Variants in POU6F2 observed in about 807,000 individuals in gnomAD.
POU6F2 encodes POU domain, class 6, transcription factor 2.
Under a neutral mutation model 71.3 loss-of-function variants are expected in POU6F2, and 31 were observed. That is an observed-to-expected ratio of 0.43 (90% CI 0.33 to 0.59). The LOEUF (loss-of-function observed/expected upper bound fraction) is 0.59, where lower values mean the gene tolerates loss of function less well. Ranked by LOEUF, POU6F2 falls within the 20% of genes least tolerant of loss-of-function variation. POU6F2 has a pLI of 0.04. For synonymous variants in POU6F2, 347 were observed against 355.7 expected (o/e 0.98, Z 0.27); for missense variants, 783 against 856.8 (o/e 0.91, Z 1.07).
At chr7:39,088,441 A>G (rs1791300406) in intron 2 of POU6F2, among the ~76,000 whole-genome samples, 3 of 152,290 alleles carry the variant, frequency 2.0e-5, no homozygotes, top group South Asian at 4.1e-4. Context: ...TTAAGGAACT[A>G]TGATTTTCTT....
At chr7:39,409,642 T>C (rs920914422) in intron 6 of POU6F2, among the ~76,000 whole-genome samples, 1 of 152,192 alleles carries the variant, frequency 6.6e-6, no homozygotes, top group Admixed American at 6.5e-5. Context: ...TGGTGCACTT[T>C]TGCAGGGCAA....
At chr7:39,188,988 T>C (rs1473018729) in intron 2 of POU6F2, among the ~76,000 whole-genome samples, 1 of 152,244 alleles carries the variant, frequency 6.6e-6, no homozygotes, top group African/African-American at 2.4e-5. Context: ...TAATTAGCAT[T>C]AGATAGCATT....
chr7:39,121,890 G>A (rs1278210015), intron 2 of POU6F2, among the ~76,000 whole-genome samples: 4 of 152,086 alleles, frequency 2.6e-5, no homozygotes. Flanking sequence ...GTAGAGATGG[G>A]GTTTCACCAT....
At chr7:39,007,754 C>T (rs1326391230) in intron 1 of POU6F2, among the ~76,000 whole-genome samples, 2 of 151,604 alleles carry the variant, frequency 1.3e-5, no homozygotes, top group Non-Finnish European at 2.9e-5. Context: ...TCAGTTCCCA[C>T]CTATGAGTGA....
intron 1 of POU6F2, among the ~76,000 whole-genome samples, chr7:39,022,296 A>C (rs539096463): frequency 6.6e-6 from 1 of 152,240 alleles, no homozygotes; most frequent in East Asian, 1.9e-4. Flanking sequence ...AATTCACTAA[A>C]ATGAAACATA....
intron 5 of POU6F2, among the ~76,000 whole-genome samples, chr7:39,375,480 C>T (rs955552400): frequency 6.6e-6 from 1 of 152,100 alleles, no homozygotes; most frequent in South Asian, 2.1e-4. Context: ...CCTCCCAGCC[C>T]CCCAACCTTC....
At chr7:39,425,843 T>A (rs914121793) in intron 6 of POU6F2, among the ~76,000 whole-genome samples, 8 of 152,204 alleles carry the variant, frequency 5.3e-5, no homozygotes, top group Non-Finnish European at 1.2e-4. Context: ...GCCTTAATAT[T>A]TGAGAGCAAG....
At chr7:39,202,587 T>C (rs1295498281) in intron 2 of POU6F2, among the ~76,000 whole-genome samples, 1 of 152,192 alleles carries the variant, frequency 6.6e-6, no homozygotes, top group Non-Finnish European at 1.5e-5. Context: ...TAGGGCAAAA[T>C]TGGACTTGGG....
intron 4 of POU6F2, among the ~76,000 whole-genome samples, chr7:39,260,787 TAAAC>T (rs1562767572): frequency 6.6e-6 from 1 of 150,930 alleles, no homozygotes. Flanking sequence ...ACACAACACT[TAAAC>T]ACACATATAT....
intron 4 of POU6F2, among the ~76,000 whole-genome samples, chr7:39,225,968 G>T (rs533311783): frequency 1.1e-4 from 16 of 147,460 alleles, no homozygotes; most frequent in East Asian, 2.0e-4. Context: ...AAAAAAAAAG[G>T]TTGTTTTTTT....
intron 4 of POU6F2, among the ~76,000 whole-genome samples, chr7:39,237,568 C>G (rs1584618052): frequency 1.3e-5 from 2 of 152,130 alleles, no homozygotes; most frequent in South Asian, 4.1e-4. Flanking sequence ...AACCCATAGA[C>G]AGATAAGAGC....
intron 4 of POU6F2, among the ~76,000 whole-genome samples, chr7:39,283,414 C>T (rs1198786045): frequency 6.6e-6 from 1 of 152,128 alleles, no homozygotes; most frequent in East Asian, 1.9e-4. Flanking sequence ...ACTCATTAAA[C>T]AAAAACTCCC....
At chr7:38,991,915 T>C (rs1479303575) in intron 1 of POU6F2, among the ~76,000 whole-genome samples, 1 of 151,986 alleles carries the variant, frequency 6.6e-6, no homozygotes, top group African/African-American at 2.4e-5. Context: ...TTTTCTCTTC[T>C]CTCTCCATAC....
At chr7:39,028,930 G>C (rs1274999081) in intron 1 of POU6F2, among the ~76,000 whole-genome samples, 1 of 151,992 alleles carries the variant, frequency 6.6e-6, no homozygotes, top group Non-Finnish European at 1.5e-5. Flanking sequence ...TCAGCCTCCT[G>C]AGTAGGGATA....
intron 1 of POU6F2, among the ~76,000 whole-genome samples, chr7:39,019,614 T>C (rs1446931404): frequency 1.3e-5 from 2 of 151,972 alleles, no homozygotes; most frequent in Non-Finnish European, 2.9e-5. Context: ...CCTGGATTGA[T>C]TGTGCTGAAA....
At chr7:39,147,033 G>A (rs964783455) in intron 2 of POU6F2, among the ~76,000 whole-genome samples, 14 of 152,092 alleles carry the variant, frequency 9.2e-5, no homozygotes, top group Admixed American at 8.5e-4. Context: ...ATTTCTATGT[G>A]AATTTGCATA....
At chr7:39,346,281 G>C (rs756882824) in intron 5 of POU6F2, among the ~76,000 whole-genome samples, 1 of 152,130 alleles carries the variant, frequency 6.6e-6, no homozygotes, top group Non-Finnish European at 1.5e-5. Context: ...CCATTCCTGG[G>C]TACTGCTCCG....
intron 2 of POU6F2, among the ~76,000 whole-genome samples, chr7:39,190,799 G>A (rs920233965): frequency 5.3e-5 from 8 of 151,632 alleles, no homozygotes; most frequent in African/African-American, 1.5e-4. Flanking sequence ...CACCATGCCT[G>A]GTTAATTTTT....
chr7:39,379,343 T>C (rs1029135335), intron 5 of POU6F2, among the ~76,000 whole-genome samples: 2 of 152,150 alleles, frequency 1.3e-5, no homozygotes, highest in African/African-American at 4.8e-5. Flanking sequence ...CCTCCAGCAA[T>C]CAATCCGCTG....
Sources: allele counts gnomAD v4.1 joint callset (sites outside exome capture counted in the v4.1 genomes callset), GRCh38; gene constraint gnomAD v4.1.1; transcripts MANE v1.5; gene names NCBI Gene and HGNC (gene_info 2026-07-23, HGNC 2026-07-21).